The following EML5 variants were observed in gnomAD, a reference collection of about 807,000 sequenced individuals.
The protein encoded by EML5 is echinoderm microtubule-associated protein-like 5.
Under a neutral mutation model 250.0 loss-of-function variants are expected in EML5, and 120 were observed. That is an observed-to-expected ratio of 0.48 (90% CI 0.41 to 0.56). EML5 has a LOEUF of 0.56. EML5 is among the 20% of genes least tolerant of loss of function. The pLI is 0.00. For missense variants in EML5, 2,006 were observed against 2,437.6 expected (o/e 0.82, Z 3.73); for synonymous variants, 771 against 806.5 (o/e 0.96, Z 0.75).
intron 21 of EML5, among the ~76,000 whole-genome samples, chr14:88,670,720 C>G (rs1230896044): frequency 6.6e-6 from 1 of 152,108 alleles, no homozygotes; most frequent in Non-Finnish European, 1.5e-5. Context: ...TAGAGAAGAA[C>G]ACAAATGACC....
intron 14 of EML5, among the ~76,000 whole-genome samples, chr14:88,699,762 G>A (rs1336076461): frequency 1.3e-5 from 2 of 152,080 alleles, no homozygotes; most frequent in Non-Finnish European, 2.9e-5. Context: ...TAGCTTTAGG[G>A]GTGAAGAACA....
chr14:88,684,480 T>C (rs1333306447), intron 20 of EML5, among the ~76,000 whole-genome samples: 1 of 145,652 alleles, frequency 6.9e-6, no homozygotes, highest in Non-Finnish European at 1.5e-5. Context: ...TGTTTTATTA[T>C]TTACATCTTT....
chr14:88,748,438 A>G (rs1189879888), intron 2 of EML5, among the ~76,000 whole-genome samples: 1 of 152,206 alleles, frequency 6.6e-6, no homozygotes, highest in Non-Finnish European at 1.5e-5. Context: ...AAATTATACC[A>G]GTAATTCTAG....
At chr14:88,764,954 G>T (rs2094301205) in intron 1 of EML5, among the ~76,000 whole-genome samples, 1 of 152,148 alleles carries the variant, frequency 6.6e-6, no homozygotes, top group African/African-American at 2.4e-5. Context: ...TTTGGCACTT[G>T]AAAAGGATGT....
At chr14:88,767,559 T>C (rs1451259338) in intron 1 of EML5, among the ~76,000 whole-genome samples, 2 of 152,234 alleles carry the variant, frequency 1.3e-5, no homozygotes, top group Admixed American at 6.5e-5. Flanking sequence ...CATAATATTG[T>C]TACACTGTAA....
At chr14:88,662,989 T>G in intron 24 of EML5, 42 bp downstream of exon 24, 2 of 1,452,020 alleles carry the variant, frequency 1.4e-6, no homozygotes, top group East Asian at 2.5e-5. Flanking sequence ...CTAGCCACTT[T>G]TATTCACATG....
rs148836969 is a variant in EML5 at position 88,742,254 on chromosome 14, T to TAC, written c.526-1684_526-1683dup. ...GAAATTTCAGTGATGATGAAAATAT[T>TAC]ACACACACACACACGCTTTCCAATA... On this transcript the variant is annotated intron_variant, in intron 4 of 43. Transcript: ENST00000554922. Among the ~76,000 whole-genome samples the TAC allele has an allele frequency of 1.0e-3, 156 of 151,752 alleles. 1 individual carries two copies. The highest frequency in any genetic ancestry group is 3.3e-3 in the African/African-American group (136 of 41,438).
chr14:88,666,641 AAATT>A (rs1488131080), intron 21 of EML5, among the ~76,000 whole-genome samples: 20 of 152,338 alleles, frequency 1.3e-4, no homozygotes, highest in African/African-American at 4.3e-4. Context: ...TATTAATGAT[AAATT>A]AATATCGTTC....
chr14:88,629,546 T>C lies in EML5; in HGVS notation c.4358-1727A>G, dbSNP rs10137142. Among the ~76,000 whole-genome samples the C allele has an allele frequency of 5.2e-3, 785 of 152,350 alleles. 6 individuals are homozygous for C. Among genetic ancestry groups the C allele is most frequent in the African/African-American group, 0.018 (750 of 41,584 alleles). On this transcript the variant is annotated intron_variant, in intron 33 of 43. Coordinates refer to ENST00000554922, the MANE Select transcript of EML5 (RefSeq NM_183387.3). Reference sequence around the variant, plus strand: ...GATGAAACTATGTTTATTAAGTATATTATATTTTCTCCTATCATTTGGAAA... The same window carrying C: ...GATGAAACTATGTTTATTAAGTATACTATATTTTCTCCTATCATTTGGAAA...
chr14:88,658,167 A>G lies in EML5; in HGVS notation c.3877+20T>C, dbSNP rs201789081. 6.2e-7 allele frequency: 1 copy of G among 1,612,008 alleles called. No individual in the cohort carries two copies. The highest frequency in any genetic ancestry group is 2.2e-5 in the East Asian group (1 of 44,834). Reference sequence around the variant, plus strand: ...TAAATTTTCCCTATATTTTTGTTCAAGTATTATAAAATGACGTACCCCCAT... The same window carrying G: ...TAAATTTTCCCTATATTTTTGTTCAGGTATTATAAAATGACGTACCCCCAT... On this transcript the variant is annotated intron_variant, in intron 26 of 43. Coordinates refer to ENST00000554922, the MANE Select transcript of EML5 (RefSeq NM_183387.3).
At chr14:88,666,775 G>A (rs1235860108) in intron 21 of EML5, among the ~76,000 whole-genome samples, 1 of 152,078 alleles carries the variant, frequency 6.6e-6, no homozygotes, top group Non-Finnish European at 1.5e-5. Context: ...AAAGCCCTAA[G>A]GATTTTGGTA....
chr14:88,774,336 C>T (rs1328314298), intron 1 of EML5, among the ~76,000 whole-genome samples: 1 of 152,030 alleles, frequency 6.6e-6, no homozygotes, highest in African/African-American at 2.4e-5. Context: ...TTTTTAATAA[C>T]CAAGTAAAGC....
At position 88,664,746 on chromosome 14, in the gene EML5, T is replaced by C. The variant is rs2092255159; in HGVS notation, c.3278-122A>G. The stretch of plus-strand genomic sequence containing the variant: ...ATCTTAGCTGTTTCATAAATTATAA[T>C]AAAACAGATGTGTTAAATAACAAAT... On this transcript the variant is annotated intron_variant, in intron 22 of 43. Transcript: ENST00000554922. 8 of 934,458 alleles carry C rather than the reference T, an allele frequency of 8.6e-6. No individual in the cohort carries two copies. In the South Asian group the frequency reaches 1.2e-4, roughly 14 times the overall value. 57.9% of individuals were successfully genotyped at this position (934,458 alleles called of 1,614,324 possible).
At chr14:88,630,176 A>C (rs1231596751) in intron 33 of EML5, among the ~76,000 whole-genome samples, 1 of 151,544 alleles carries the variant, frequency 6.6e-6, no homozygotes, top group Non-Finnish European at 1.5e-5. Context: ...GATTACAGGC[A>C]CCTGCCACCA....
At chr14:88,655,833 G>T (rs920130019) in intron 27 of EML5, among the ~76,000 whole-genome samples, 5 of 152,142 alleles carry the variant, frequency 3.3e-5, no homozygotes, top group African/African-American at 1.2e-4. Flanking sequence ...CTTCTCAAAA[G>T]AAGATATTTA....
intron 1 of EML5, among the ~76,000 whole-genome samples, chr14:88,764,696 A>G (rs1174866535): frequency 3.3e-5 from 5 of 152,188 alleles, no homozygotes. Flanking sequence ...CTTTTAAAAA[A>G]TATGCATTTT....
intron 33 of EML5, 40 bp from the exon 34 acceptor site, chr14:88,627,859 TATAA>T: frequency 6.0e-6 from 9 of 1,512,084 alleles, no homozygotes; most frequent in Non-Finnish European, 8.0e-6. Context: ...ATCTACCTGT[TATAA>T]ATATTTCTGT....
At chr14:88,701,415 G>A (rs373016992) in intron 14 of EML5, among the ~76,000 whole-genome samples, 2 of 152,182 alleles carry the variant, frequency 1.3e-5, no homozygotes, top group African/African-American at 4.8e-5. Context: ...AACTCAGAAT[G>A]TGAGTTTTCA....
In EML5 at chr14:88,616,693, A is replaced by G; in HGVS notation, c.5796+33T>C. On this transcript the variant is annotated intron_variant, in intron 42 of 43. Transcript: ENST00000554922. ...ATGATAAGACATCAAAATTAGGAGTAAACTGATAATAGTAAACAAAACACA... is the reference window on the plus strand; with the variant it reads ...ATGATAAGACATCAAAATTAGGAGTGAACTGATAATAGTAAACAAAACACA... 1.9e-6 allele frequency: 3 copies of G among 1,587,166 alleles called. No individual in the cohort carries two copies. In the South Asian group the frequency reaches 3.4e-5, roughly 18 times the overall value.
Sources: allele counts gnomAD v4.1 joint callset (sites outside exome capture counted in the v4.1 genomes callset), GRCh38; gene constraint gnomAD v4.1.1; transcripts MANE v1.5; gene names NCBI Gene and HGNC (gene_info 2026-07-23, HGNC 2026-07-21).